PIGG: variants seen among roughly 807,000 people sequenced by gnomAD.
The protein encoded by PIGG is GPI ethanolamine phosphate transferase 2, catalytic subunit.
A neutral mutation model predicts 83.2 loss-of-function variants in PIGG; 70 were observed. The ratio of observed to expected loss-of-function variants is 0.84; its 90% CI spans 0.69 to 1.03. The LOEUF (loss-of-function observed/expected upper bound fraction) is 1.03. Among genes scored for constraint, PIGG ranks in the 50% least tolerant of loss-of-function variants. The pLI is 0.00. For synonymous variants in PIGG, 532 were observed against 519.5 expected (o/e 1.02, Z -0.33); for missense variants, 1,257 against 1,233.6 (o/e 1.02, Z -0.28).
chr4:499,745 G>C, intron 1 of PIGG: 1 of 1,335,128 alleles, frequency 7.5e-7, no homozygotes, highest in Non-Finnish European at 9.6e-7. Flanking sequence ...GTCCATACCT[G>C]GGATCCAGCC....
At position 539,532 on chromosome 4, in the gene PIGG, G is replaced by T. The variant is rs930901643; in HGVS notation, c.*163G>T. ...TAATAAAAGATCACTTTAATATACA[G>T]TTTGTATCATATTTTCCCCCATTGA... On this transcript the variant is annotated 3_prime_UTR_variant, in exon 13 of 13. Transcript: ENST00000453061. The T allele has an allele frequency of 1.3e-5, 8 of 595,680 alleles. No homozygotes were observed. Among genetic ancestry groups the T allele is most frequent in the African/African-American group, 1.3e-4 (7 of 53,808 alleles). 36.9% of individuals were successfully genotyped at this position (595,680 alleles called of 1,614,324 possible). A position where few individuals can be genotyped will look rare whatever the true frequency, so the allele number is the denominator to read the frequency against.
chr4:522,332 TGG>T, intron 8 of PIGG: 1 of 435,934 alleles, frequency 2.3e-6, no homozygotes, highest in South Asian at 3.2e-5. Flanking sequence ...ACAATCGGCC[TGG>T]ACACTCAGGA....
At chr4:527,429 T>C in intron 10 of PIGG, 199 bp downstream of exon 10, 1 of 1,330,738 alleles carries the variant, frequency 7.5e-7, no homozygotes, top group Non-Finnish European at 9.6e-7. Flanking sequence ...CTCAACCAGC[T>C]GCGTTGTTAG....
At chr4:499,582 CGCTCCCCGGT>C in intron 1 of PIGG, 93 bp downstream of exon 1, 1 of 1,452,638 alleles carries the variant, frequency 6.9e-7, no homozygotes, top group Admixed American at 2.7e-5. Context: ...TTCTTCTCGG[CGCTCCCCGGT>C]GGTCTCTTCC....
Position 528,171 on chromosome 4 carries a change from A to G in PIGG, c.2261+941A>G. The G allele has an allele frequency of 2.0e-6, 2 of 985,098 alleles. No individual in the cohort carries two copies. The highest frequency in any genetic ancestry group is 2.4e-6 in the Non-Finnish European group (2 of 829,874). The allele number at this position is 985,098 out of a possible 1,614,324, so 61.0% of individuals were successfully genotyped here. ...TGGCTGTTAGGCAGCCTATTTTCAC[A>G]GAACAGAGAAGCATGTTGTGGAACA... On this transcript the variant is annotated intron_variant, in intron 10 of 12. Coordinates refer to ENST00000453061, the MANE Select transcript of PIGG (RefSeq NM_001127178.3). This position sits in a 1 kb window ranked among gnomAD's most constrained non-coding sequence, Gnocchi z 4.8.
rs782480970 is a variant in PIGG at position 508,825 on chromosome 4, A to G, written c.760-4A>G. On this transcript the variant is annotated splice_region_variant and splice_polypyrimidine_tract_variant and intron_variant, in intron 4 of 12. Transcript: ENST00000453061. The stretch of plus-strand genomic sequence containing the variant: ...AGTTGAAATGTTTTTCCTTTGCCTT[A>G]AAGGAGAGAGAGACGCCTTTACCCA... The G allele has an allele frequency of 1.2e-6, 2 of 1,613,550 alleles. No individual in the cohort carries two copies. The highest frequency in any genetic ancestry group is 2.2e-5 in the South Asian group (2 of 91,020).
intron 12 of PIGG, among the ~76,000 whole-genome samples, chr4:535,564 C>T (rs1466449963): frequency 3.3e-5 from 5 of 152,142 alleles, no homozygotes; most frequent in Admixed American, 6.5e-5. Context: ...CCAGTCCTGC[C>T]GGGAGCCCCA....
In PIGG at chr4:500,802, C is replaced by G. The variant is rs1053949013; in HGVS notation, c.360+201C>G. Among the ~76,000 whole-genome samples the G allele has an allele frequency of 2.0e-5, 3 of 152,264 alleles. No individual in the cohort carries two copies. The East Asian group carries it at 5.8e-4, about 29-fold the overall frequency. On this transcript the variant is annotated intron_variant, in intron 2 of 12. Coordinates refer to ENST00000453061, the MANE Select transcript of PIGG (RefSeq NM_001127178.3). ...ATCATTTGTGCCCCATGTCAAGTAG[C>G]CAAAGCTCATGCTTCATGGCAAATA...
intron 12 of PIGG, among the ~76,000 whole-genome samples, chr4:535,490 C>T (rs996848684): frequency 1.9e-5 from 2 of 104,142 alleles, no homozygotes; most frequent in African/African-American, 1.0e-4. Context: ...GCCTCCCGCA[C>T]TTTCTGGGTG....
rs7692313 is a variant in PIGG at position 523,174 on chromosome 4, C to G, written c.1615-285C>G. Among the ~76,000 whole-genome samples, 28,747 of 152,066 alleles carry G rather than the reference C, an allele frequency of 0.19. 3,425 individuals are homozygous for G. Among genetic ancestry groups the G allele is most frequent in the African/African-American group, 0.34 (14,148 of 41,450 alleles). On this transcript the variant is annotated intron_variant, in intron 8 of 12. Transcript: ENST00000453061. The stretch of plus-strand genomic sequence containing the variant: ...GACCATTTTCAGTCTTTGTCACTCA[C>G]CTTGGGACTTGGAGTCCAGTGTGAG...
At position 521,185 on chromosome 4, in the gene PIGG, C is replaced by T. The variant is rs1431270363; in HGVS notation, c.1244C>T (p.Ala415Val). 1.9e-6 allele frequency: 3 copies of T among 1,613,972 alleles called. No individual in the cohort carries two copies. Among genetic ancestry groups the T allele is most frequent in the African/African-American group, 2.7e-5 (2 of 74,896 alleles). ...AAGGTTCTCAGGCAGTACCTGGATGCTCTGAAGACGCTGAGCTTGTCCCTG... is the reference window on the plus strand; with the variant it reads ...AAGGTTCTCAGGCAGTACCTGGATGTTCTGAAGACGCTGAGCTTGTCCCTG... ...GSKVLRQYLDALKTLSLSLSA... is the reference protein window; with the variant it reads ...GSKVLRQYLDVLKTLSLSLSA... Residue 415 changes from alanine (A) to valine (V), a missense_variant, in exon 7 of 13, where the codon GCT becomes GTT. Coordinates refer to ENST00000453061, the MANE Select transcript of PIGG (RefSeq NM_001127178.3).
At chr4:534,463 T>C (rs1729885921) in intron 12 of PIGG, among the ~76,000 whole-genome samples, 1 of 152,186 alleles carries the variant, frequency 6.6e-6, no homozygotes, top group Non-Finnish European at 1.5e-5. Context: ...TTCTGAGTCG[T>C]CCTTGAGTAG....
At chr4:500,694 T>A in intron 2 of PIGG, 93 bp downstream of exon 2, 2 of 807,784 alleles carry the variant, frequency 2.5e-6, no homozygotes, top group African/African-American at 1.7e-5. Flanking sequence ...GTTGCAATTT[T>A]AAGAAAGTGG....
rs1232275544 is a variant in PIGG, at chr4:528,075, A to G, written c.2261+845A>G. 5 of 985,136 alleles carry G rather than the reference A, an allele frequency of 5.1e-6. No homozygotes were observed. In the African/African-American group the frequency reaches 8.7e-5, roughly 17 times the overall value. 61.0% of individuals were successfully genotyped at this position (985,136 alleles called of 1,614,324 possible). A position where few individuals can be genotyped will look rare whatever the true frequency, so the allele number is the denominator to read the frequency against. On this transcript the variant is annotated intron_variant, in intron 10 of 12. Coordinates refer to ENST00000453061, the MANE Select transcript of PIGG (RefSeq NM_001127178.3). The surrounding 1 kb of genome is among the most constrained non-coding windows in gnomAD (Gnocchi z 4.8). Reference sequence around the variant, plus strand: ...CAGTGAGGTCGGTGCTCTGACAGTGACCGTCCCAGTGAGGTCGGTGCTCTG... The same window carrying G: ...CAGTGAGGTCGGTGCTCTGACAGTGGCCGTCCCAGTGAGGTCGGTGCTCTG...
At position 528,104 on chromosome 4, in the gene PIGG, G is replaced by C. The variant is rs375895017; in HGVS notation, c.2261+874G>C. 43 of 985,358 alleles carry C rather than the reference G, an allele frequency of 4.4e-5. No homozygotes were observed. In the South Asian group the frequency reaches 1.1e-3, roughly 25 times the overall value. The allele number at this position is 985,358 out of a possible 1,614,324, so 61.0% of individuals were successfully genotyped here. On this transcript the variant is annotated intron_variant, in intron 10 of 12. Coordinates refer to ENST00000453061, the MANE Select transcript of PIGG (RefSeq NM_001127178.3). The surrounding 1 kb of genome is among the most constrained non-coding windows in gnomAD (Gnocchi z 4.8). ...TCCCAGTGAGGTCGGTGCTCTGATA[G>C]TGACCCTCTCAGTGAGGTCGGTGCT...
chr4:527,287 C>G, intron 10 of PIGG, 57 bp downstream of exon 10: 1 of 1,497,232 alleles, frequency 6.7e-7, no homozygotes, highest in Non-Finnish European at 8.9e-7. Flanking sequence ...GAAGAACTGG[C>G]GGACACGGGG....
At chr4:506,007 G>T in intron 3 of PIGG, 80 bp downstream of exon 3, 3 of 916,550 alleles carry the variant, frequency 3.3e-6, no homozygotes, top group Middle Eastern at 2.8e-4. Flanking sequence ...CTTAGTGAGA[G>T]ATGATACCAT....
chr4:530,507 T>A lies in PIGG; in HGVS notation c.2333T>A (p.Leu778His). 1 of 1,613,312 alleles carries A rather than the reference T, an allele frequency of 6.2e-7. No homozygotes were observed. The highest frequency in any genetic ancestry group is 1.1e-5 in the South Asian group (1 of 91,068). Reference sequence around the variant, plus strand: ...CTGTTCACGGGCACCAAAGACTTACTTAAATCTCAAGTCATTGCTGCAGAC... The same window carrying A: ...CTGTTCACGGGCACCAAAGACTTACATAAATCTCAAGTCATTGCTGCAGAC... Reference protein sequence around the residue: ...GILFTGTKDLLKSQVIAADFK... With the variant: ...GILFTGTKDLHKSQVIAADFK... The change falls in exon 11 of 13, where the codon CTT becomes CAT. Residue 778 changes from leucine (L) to histidine (H), a missense_variant. Physicochemically the swap from Leu to His is moderately conservative, Grantham distance 99 (BLOSUM62 -3). Coordinates refer to ENST00000453061, the MANE Select transcript of PIGG (RefSeq NM_001127178.3).
chr4:538,633 TGCA>T (rs1731323949), intron 12 of PIGG, among the ~76,000 whole-genome samples: 1 of 152,258 alleles, frequency 6.6e-6, no homozygotes, highest in African/African-American at 2.4e-5. Context: ...CAGTTGGGGC[TGCA>T]GCTCATGTCC....
Sources: gnomAD v4.1 joint callset for allele counts (sites outside exome capture counted in the v4.1 genomes callset) on GRCh38, gnomAD v4.1.1 for gene constraint, Gnocchi (gnomAD v3.1) non-coding constraint, MANE v1.5 for transcripts, NCBI Gene and HGNC (gene_info 2026-07-23, HGNC 2026-07-21) for gene names.